The following MACROD1 variants were observed in gnomAD, a reference collection of about 807,000 sequenced individuals.
The protein encoded by MACROD1 is mono-ADP ribosylhydrolase 1.
Under a neutral mutation model 41.4 loss-of-function variants are expected in MACROD1, and 31 were observed. That is an observed-to-expected ratio of 0.75 (90% CI 0.56 to 1.01). MACROD1 has a LOEUF of 1.01. Among genes scored for constraint, MACROD1 ranks in the 50% least tolerant of loss-of-function variants. The probability of loss-of-function intolerance (pLI) is 0.00; values close to 1 mark genes in which losing one functional copy is unlikely to be tolerated. For synonymous variants in MACROD1, 252 were observed against 203.4 expected (o/e 1.24, Z -2.03); for missense variants, 473 against 460.0 (o/e 1.03, Z -0.26).
chr11:64,139,902 G>A (rs1240196347), intron 3 of MACROD1, among the ~76,000 whole-genome samples: 1 of 150,626 alleles, frequency 6.6e-6, no homozygotes, highest in Non-Finnish European at 1.5e-5. Context: ...CTTGCAGTGA[G>A]CCGAGATCAC....
Position 64,013,404 on chromosome 11 carries a change from G to A in MACROD1, c.547+1848C>T, listed in dbSNP as rs1331831500. ...GAACGGAGCAGCCGCGTGGACAACT[G>A]GAGCAAGGGCATTGCAGGCAGAAGG... On this transcript the variant is annotated intron_variant, in intron 4 of 10. Coordinates refer to ENST00000255681, the MANE Select transcript of MACROD1 (RefSeq NM_014067.4). Among the ~76,000 whole-genome samples, 4 of 152,238 alleles carry A rather than the reference G, an allele frequency of 2.6e-5. No homozygotes were observed. In the East Asian group the frequency reaches 7.7e-4, roughly 29 times the overall value.
chr11:64,125,357 T>C (rs1352133034), intron 3 of MACROD1, among the ~76,000 whole-genome samples: 1 of 152,186 alleles, frequency 6.6e-6, no homozygotes, highest in South Asian at 2.1e-4. Flanking sequence ...TCAAGGTAGA[T>C]AGTCAGAGTC....
chr11:64,026,434 A>G lies in MACROD1; in HGVS notation c.518-11153T>C, dbSNP rs115254684. Among the ~76,000 whole-genome samples, 1,146 of 152,308 alleles carry G rather than the reference A, an allele frequency of 7.5e-3. 18 individuals carry two copies. Among genetic ancestry groups the G allele is most frequent in the African/African-American group, 0.027 (1,103 of 41,558 alleles). ...GCTTGGTTTTGTCTCATGCAAACACAGTGGCAGTAGCATCTTTACACGCCC... is the reference window on the plus strand; with the variant it reads ...GCTTGGTTTTGTCTCATGCAAACACGGTGGCAGTAGCATCTTTACACGCCC... On this transcript the variant is annotated intron_variant, in intron 3 of 10. Transcript: ENST00000255681.
intron 4 of MACROD1, chr11:64,009,144 C>T (rs999099568): frequency 2.6e-5 from 4 of 152,132 alleles, no homozygotes; most frequent in Non-Finnish European, 5.9e-5. Context: ...CATTTCAGTC[C>T]TAATAAACAG....
intron 3 of MACROD1, among the ~76,000 whole-genome samples, chr11:64,087,916 GGA>G (rs1181552091): frequency 6.6e-6 from 1 of 152,168 alleles, no homozygotes; most frequent in Non-Finnish European, 1.5e-5. Flanking sequence ...GGGGAGAGGT[GGA>G]GAGGCCTGGA....
intron 4 of MACROD1, among the ~76,000 whole-genome samples, chr11:64,002,904 T>C (rs918647209): frequency 6.6e-6 from 1 of 152,146 alleles, no homozygotes; most frequent in African/African-American, 2.4e-5. Flanking sequence ...TCCCTGGGGC[T>C]ACCTGGTGGA....
Position 64,116,762 on chromosome 11 carries a change from C to T in MACROD1, c.517+34477G>A, listed in dbSNP as rs767596236. On this transcript the variant is annotated intron_variant, in intron 3 of 10. Coordinates refer to ENST00000255681, the MANE Select transcript of MACROD1 (RefSeq NM_014067.4). The stretch of plus-strand genomic sequence containing the variant: ...ACCTGGATGACAACTCCGTGTCCAC[C>T]GTCAGCATTGAGGAGGACGCCTTCG... 40 of 1,613,552 alleles carry T rather than the reference C, an allele frequency of 2.5e-5. No individual in the cohort carries two copies. The highest frequency in any genetic ancestry group is 4.0e-5 in the African/African-American group (3 of 74,930).
intron 3 of MACROD1, among the ~76,000 whole-genome samples, chr11:64,073,673 C>T (rs569701848): frequency 6.6e-6 from 1 of 152,326 alleles, no homozygotes; most frequent in South Asian, 2.1e-4. Context: ...AGGTCTGGCA[C>T]ATCAGATGGC....
At chr11:64,152,439 C>T (rs772493934) in intron 1 of MACROD1, 46 bp from the exon 2 acceptor site, 3 of 1,476,280 alleles carry the variant, frequency 2.0e-6, no homozygotes, top group Admixed American at 3.3e-5. Flanking sequence ...GAGGAACGGG[C>T]CTGGGGCTTG....
At position 64,165,798 on chromosome 11, in the gene MACROD1, G is replaced by A. The variant is rs1418733802; in HGVS notation, c.197C>T (p.Ala66Val). ...CCCGGCTGTCCGCCCCACCGCCGCCGCCCCCCACGCCCCAACTCCCGCCGA... is the reference window on the plus strand; with the variant it reads ...CCCGGCTGTCCGCCCCACCGCCGCCACCCCCCACGCCCCAACTCCCGCCGA... ...RTSAGVGAWG[A>V]AAVGRTAGVR... Residue 66 changes from alanine (A) to valine (V), a missense_variant, in exon 1 of 11, where the codon GCG becomes GTG. Ala to Val is a moderately conservative substitution (Grantham distance 64). Coordinates refer to ENST00000255681, the MANE Select transcript of MACROD1 (RefSeq NM_014067.4). 4.7e-6 allele frequency: 7 copies of A among 1,479,142 alleles called. No homozygotes were observed. The South Asian group carries it at 6.7e-5, about 14-fold the overall frequency. 91.6% of individuals were successfully genotyped at this position (1,479,142 alleles called of 1,614,324 possible). A position where few individuals can be genotyped will look rare whatever the true frequency, so the allele number is the denominator to read the frequency against.
At chr11:64,073,531 ATTAAC>A (rs1451993350) in intron 3 of MACROD1, among the ~76,000 whole-genome samples, 3 of 152,174 alleles carry the variant, frequency 2.0e-5, no homozygotes, top group African/African-American at 7.2e-5. Context: ...GCACTTACTA[ATTAAC>A]TTAACTAATT....
chr11:64,038,711 C>G (rs1943429436), intron 3 of MACROD1, among the ~76,000 whole-genome samples: 1 of 152,162 alleles, frequency 6.6e-6, no homozygotes, highest in Middle Eastern at 3.2e-3. Context: ...CTGTGTGGGT[C>G]TGGCTGTGCT....
intron 3 of MACROD1, among the ~76,000 whole-genome samples, chr11:64,140,251 A>C (rs1945392782): frequency 6.6e-6 from 1 of 152,200 alleles, no homozygotes; most frequent in African/African-American, 2.4e-5. Context: ...GGCCGTTTCC[A>C]TGTGACCACA....
Position 64,153,926 on chromosome 11 carries a change from A to G in MACROD1, c.299-1533T>C, listed in dbSNP as rs140471858. Among the ~76,000 whole-genome samples, 39 of 151,618 alleles carry G rather than the reference A, an allele frequency of 2.6e-4. 1 individual carries two copies. In the East Asian group the frequency reaches 7.4e-3, roughly 29 times the overall value. On this transcript the variant is annotated intron_variant, in intron 1 of 10. Transcript: ENST00000255681. ...CTCAAATAATCCCGTCCCCTCCCTC[A>G]ACGCCCGCATTCCACGCCCCTGCAG...
At chr11:64,138,166 A>T (rs1166447009) in intron 3 of MACROD1, among the ~76,000 whole-genome samples, 1 of 152,140 alleles carries the variant, frequency 6.6e-6, no homozygotes, top group Admixed American at 6.5e-5. Context: ...CAGGACTTGA[A>T]CCCAGCCCTG....
chr11:64,060,050 C>G (rs985501880), intron 3 of MACROD1, among the ~76,000 whole-genome samples: 1 of 152,242 alleles, frequency 6.6e-6, no homozygotes, highest in African/African-American at 2.4e-5. Flanking sequence ...TGGCGAACAA[C>G]TCCCTAAGGG....
chr11:64,000,018 C>G, intron 5 of MACROD1: 1 of 632,148 alleles, frequency 1.6e-6, no homozygotes, highest in Non-Finnish European at 2.7e-6. Context: ...AAGGCGTTGC[C>G]CCCCAGCTCC....
chr11:64,003,954 C>T (rs952690626), intron 4 of MACROD1, among the ~76,000 whole-genome samples: 16 of 152,240 alleles, frequency 1.1e-4, no homozygotes, highest in African/African-American at 3.9e-4. Flanking sequence ...CGGCTCCCTC[C>T]ATCCAGCGGG....
At chr11:64,098,898 T>A (rs1944623439) in intron 3 of MACROD1, among the ~76,000 whole-genome samples, 1 of 152,140 alleles carries the variant, frequency 6.6e-6, no homozygotes, top group Non-Finnish European at 1.5e-5. Context: ...GACACATACA[T>A]AAAAATCCAT....
Sources: gnomAD v4.1 joint callset for allele counts (sites outside exome capture counted in the v4.1 genomes callset) on GRCh38, gnomAD v4.1.1 for gene constraint, MANE v1.5 for transcripts, NCBI Gene and HGNC (gene_info 2026-07-23, HGNC 2026-07-21) for gene names.